The following ODF2L variants were observed in gnomAD, a reference collection of about 807,000 sequenced individuals.
The protein encoded by ODF2L is outer dense fiber of sperm tails 2 like.
ODF2L carries 76 observed loss-of-function variants against 86.3 expected under a neutral mutation model. That is an observed-to-expected ratio of 0.88 (90% CI 0.73 to 1.07). The LOEUF (loss-of-function observed/expected upper bound fraction) is 1.07, where lower values mean the gene tolerates loss of function less well. ODF2L is among the 50% of genes least tolerant of loss of function. The pLI is 0.00. For synonymous variants in ODF2L, 241 were observed against 231.3 expected (o/e 1.04, Z -0.38); for missense variants, 748 against 717.4 (o/e 1.04, Z -0.49).
At chr1:86,380,595 C>CACT (rs1206198967) in intron 7 of ODF2L, among the ~76,000 whole-genome samples, 1 of 152,120 alleles carries the variant, frequency 6.6e-6, no homozygotes, top group Non-Finnish European at 1.5e-5. Context: ...CACACTTATA[C>CACT]ACTATCAAGG....
chr1:86,353,056 T>G, intron 16 of ODF2L, 72 bp from the exon 16 acceptor site: 1 of 970,008 alleles, frequency 1.0e-6, no homozygotes, highest in South Asian at 1.5e-5. Flanking sequence ...GACAGTTATA[T>G]TGTACCTTTT....
intron 1 of ODF2L, among the ~76,000 whole-genome samples, chr1:86,391,179 G>A (rs1661297453): frequency 6.6e-6 from 1 of 152,176 alleles, no homozygotes; most frequent in Non-Finnish European, 1.5e-5. Context: ...ACTGCTGAAA[G>A]AAATCATAGA....
exon 3 of ODF2L, chr1:86,385,526 C>T (rs761225933): frequency 1.2e-6 from 2 of 1,606,354 alleles, no homozygotes; most frequent in South Asian, 2.2e-5. Context: ...GAATGAGTTA[C>T]CAACTCCGCT....
intron 11 of ODF2L, among the ~76,000 whole-genome samples, chr1:86,364,214 T>C (rs530389226): frequency 1.3e-5 from 2 of 152,254 alleles, no homozygotes; most frequent in Non-Finnish European, 2.9e-5. Context: ...AATAAGAAAA[T>C]AAACATAATA....
chr1:86,396,165 G>A (rs1265804356), exon 1 of ODF2L: 1 of 152,524 alleles, frequency 6.6e-6, no homozygotes, highest in Non-Finnish European at 1.5e-5. Context: ...AGTCGGCTAG[G>A]AGGGAGCGGG....
At chr1:86,390,704 T>C (rs945571698) in intron 1 of ODF2L, among the ~76,000 whole-genome samples, 8 of 152,178 alleles carry the variant, frequency 5.3e-5, no homozygotes, top group Admixed American at 3.3e-4. Flanking sequence ...AAGCCATCTA[T>C]GACAAACCCA....
At position 86,383,010 on chromosome 1, in the gene ODF2L, A is replaced by T. The variant is rs1660692816; in HGVS notation, c.436-8T>A. ...TACCTTCTTCTTAAGATTCTTGAGC[A>T]AATATAAAATAAGAATTAGGAATTT... On this transcript the variant is annotated splice_polypyrimidine_tract_variant and splice_region_variant and intron_variant, in intron 5 of 17. Transcript: ENST00000317336. 6.9e-7 allele frequency: 1 copy of T among 1,440,868 alleles called. No homozygotes were observed. The highest frequency in any genetic ancestry group is 1.4e-5 in the African/African-American group (1 of 71,188). 89.3% of individuals were successfully genotyped at this position (1,440,868 alleles called of 1,614,324 possible).
At chr1:86,372,277 T>G (rs893202684) in intron 9 of ODF2L, among the ~76,000 whole-genome samples, 154 bp downstream of exon 9, 1 of 151,948 alleles carries the variant, frequency 6.6e-6, no homozygotes, top group African/African-American at 2.4e-5. Flanking sequence ...GTAAGAAAAC[T>G]TTATTGAATT....
chr1:86,361,383 G>C (rs1427481541), intron 11 of ODF2L, among the ~76,000 whole-genome samples: 1 of 152,172 alleles, frequency 6.6e-6, no homozygotes, highest in Non-Finnish European at 1.5e-5. Flanking sequence ...ATTTCTTATA[G>C]CAGGCAGTGA....
At position 86,384,866 on chromosome 1, in the gene ODF2L, A is replaced by G. The variant is rs868647918; in HGVS notation, c.247-65T>C. 5 of 1,231,196 alleles carry G rather than the reference A, an allele frequency of 4.1e-6. No individual in the cohort carries two copies. The Middle Eastern group carries it at 1.5e-3, about 374-fold the overall frequency. 76.3% of individuals were successfully genotyped at this position (1,231,196 alleles called of 1,614,324 possible). A position where few individuals can be genotyped will look rare whatever the true frequency, so the allele number is the denominator to read the frequency against. The stretch of plus-strand genomic sequence containing the variant: ...AGCATTAAATAAAACCCTCTAAAAT[A>G]TATTATCAAACAATATTTTTTCCTA... On this transcript the variant is annotated intron_variant, in intron 3 of 17. Coordinates refer to ENST00000317336, the Ensembl canonical transcript of ODF2L.
chr1:86,358,970 T>C (rs958286320), intron 12 of ODF2L, 79 bp from the exon 12 acceptor site: 2 of 678,988 alleles, frequency 2.9e-6, no homozygotes, highest in Non-Finnish European at 4.8e-6. Context: ...AAAATTTCAT[T>C]TTAAACAAGT....
At chr1:86,364,344 T>C (rs769520455) in intron 11 of ODF2L, among the ~76,000 whole-genome samples, 2 of 152,176 alleles carry the variant, frequency 1.3e-5, no homozygotes, top group Non-Finnish European at 2.9e-5. Flanking sequence ...GATAGGAGTT[T>C]ACAAGGAGAG....
exon 12 of ODF2L, chr1:86,360,439 A>G: frequency 6.6e-7 from 1 of 1,512,224 alleles, no homozygotes; most frequent in Non-Finnish European, 9.1e-7. Context: ...AGTTTTATAC[A>G]TTTCAATAAG....
At chr1:86,354,893 T>G (rs754891130) in intron 14 of ODF2L, 34 bp from the exon 14 acceptor site, 2 of 1,173,372 alleles carry the variant, frequency 1.7e-6, no homozygotes, top group African/African-American at 3.1e-5. Flanking sequence ...TTAGTCATTT[T>G]CTTCACAATC....
exon 7 of ODF2L, chr1:86,382,260 C>G (rs766430413): frequency 4.3e-6 from 7 of 1,610,456 alleles, no homozygotes; most frequent in Non-Finnish European, 5.9e-6. Context: ...ATTCTTTCAA[C>G]TTATCGTTCT....
intron 11 of ODF2L, among the ~76,000 whole-genome samples, chr1:86,361,699 T>C (rs1659047461): frequency 6.6e-6 from 1 of 152,018 alleles, no homozygotes; most frequent in African/African-American, 2.4e-5. Flanking sequence ...AAATATAAGA[T>C]TAATATCCTT....
At chr1:86,391,293 G>A (rs376589346) in intron 1 of ODF2L, among the ~76,000 whole-genome samples, 66 of 152,086 alleles carry the variant, frequency 4.3e-4, no homozygotes, top group African/African-American at 1.5e-3. Context: ...AATGCAATTC[G>A]CATAAAAATA....
At chr1:86,381,705 C>A (rs1299488112) in intron 7 of ODF2L, among the ~76,000 whole-genome samples, 3 of 151,696 alleles carry the variant, frequency 2.0e-5, no homozygotes, top group Non-Finnish European at 2.9e-5. Flanking sequence ...ATAATTAAAC[C>A]AAAAAATTCC....
intron 3 of ODF2L, 43 bp downstream of exon 3, chr1:86,385,415 T>C (rs996007992): frequency 8.0e-7 from 1 of 1,255,026 alleles, no homozygotes; most frequent in Admixed American, 1.9e-5. Flanking sequence ...TTCTGAGTAT[T>C]ATACTAGCTT....
Sources: allele counts gnomAD v4.1 joint callset (sites outside exome capture counted in the v4.1 genomes callset), GRCh38; gene constraint gnomAD v4.1.1; transcripts MANE v1.5; gene names NCBI Gene and HGNC (gene_info 2026-07-23, HGNC 2026-07-21).